PRKN: variants seen among roughly 807,000 people sequenced by gnomAD.
PRKN encodes the protein E3 ubiquitin-protein ligase parkin.
Under a neutral mutation model 59.5 loss-of-function variants are expected in PRKN, and 56 were observed. The observed-to-expected ratio is 0.94, with a 90% confidence interval of 0.76 to 1.18. The LOEUF is 1.18. PRKN is among the 50% of genes most tolerant of loss of function. PRKN has a pLI of 0.00. For missense variants in PRKN, 657 were observed against 596.4 expected, an observed-to-expected ratio of 1.10 and a Z score of -1.06; for synonymous variants, 250 against 222.1, an observed-to-expected ratio of 1.13 and a Z score of -1.12.
chr6:161,615,755 C>T (rs1234356746), intron 7 of PRKN, among the ~76,000 whole-genome samples: 1 of 152,240 alleles, frequency 6.6e-6, no homozygotes, highest in Non-Finnish European at 1.5e-5. Context: ...TCCCTCTCCT[C>T]CTGCATGCAA....
At chr6:161,680,726 CATATATATAT>C (rs56954052) in intron 7 of PRKN, among the ~76,000 whole-genome samples, 42 of 51,012 alleles carry the variant, frequency 8.2e-4, no homozygotes, top group African/African-American at 1.8e-3. Flanking sequence ...TCCTGAAATA[CATATATATAT>C]ATATATATAT....
intron 2 of PRKN, among the ~76,000 whole-genome samples, chr6:162,320,404 ACAAGC>A (rs1449463450): frequency 3.6e-5 from 5 of 137,244 alleles, no homozygotes; most frequent in African/African-American, 5.8e-5. Flanking sequence ...TTAAGATCAA[ACAAGC>A]AAAAAAAACC....
chr6:162,075,964 C>CTTTTTT (rs201642343), intron 4 of PRKN, among the ~76,000 whole-genome samples: 4 of 132,964 alleles, frequency 3.0e-5, no homozygotes, highest in Admixed American at 7.5e-5. Context: ...GAAAGGCTTG[C>CTTTTTT]TTTTTTTTTT....
At chr6:161,896,600 A>G (rs1777636343) in intron 6 of PRKN, among the ~76,000 whole-genome samples, 1 of 152,172 alleles carries the variant, frequency 6.6e-6, no homozygotes, top group Non-Finnish European at 1.5e-5. Context: ...TAGATAAGGA[A>G]AACACGGCAT....
intron 1 of PRKN, among the ~76,000 whole-genome samples, chr6:162,680,331 A>G (rs1247890193): frequency 3.3e-5 from 5 of 151,086 alleles, no homozygotes; most frequent in African/African-American, 4.8e-5. Flanking sequence ...ATATATTTAT[A>G]TGTACTGTAT....
At position 162,560,484 on chromosome 6, in the gene PRKN, C is replaced by T. The variant is rs1409005027; in HGVS notation, c.8-117011G>A. Among the ~76,000 whole-genome samples, 3 of 152,014 alleles carry T rather than the reference C, an allele frequency of 2.0e-5. No homozygotes were observed. The East Asian group carries it at 5.8e-4, about 29-fold the overall frequency. On this transcript the variant is annotated intron_variant, in intron 1 of 11. Coordinates refer to ENST00000366898, the MANE Select transcript of PRKN (RefSeq NM_004562.3). ...GGCCAAATGCATCTTCTAAGTGTTG[C>T]CTGGATCAATGTCTTATATTTTACA...
intron 8 of PRKN, among the ~76,000 whole-genome samples, chr6:161,568,084 A>C (rs561941234): frequency 9.7e-4 from 147 of 152,282 alleles, no homozygotes; most frequent in African/African-American, 3.5e-3. Flanking sequence ...TAATTCTCTA[A>C]CTCCAGGATG....
In PRKN at chr6:161,874,976, T is replaced by TA. The variant is rs1562356616; in HGVS notation, c.735-89069_735-89068insT. On this transcript the variant is annotated intron_variant, in intron 6 of 11. Transcript: ENST00000366898. ...TACTTTATATATAATATATAATTTA[T>TA]TATATTATATACTTTATATATAATA... Among the ~76,000 whole-genome samples the TA allele has an allele frequency of 1.5e-4, 16 of 103,684 alleles. 3 individuals are homozygous for TA. The highest frequency in any genetic ancestry group is 6.8e-4 in the African/African-American group (15 of 22,058). The allele number at this position is 103,684 out of a possible 152,430, so 68.0% of individuals were successfully genotyped here.
chr6:162,352,262 A>G (rs1397206198), intron 2 of PRKN, among the ~76,000 whole-genome samples: 1 of 152,124 alleles, frequency 6.6e-6, no homozygotes, highest in African/African-American at 2.4e-5. Flanking sequence ...ACTACTTTTT[A>G]TCACTGTGCT....
At chr6:162,404,383 G>A (rs1182891540) in intron 2 of PRKN, among the ~76,000 whole-genome samples, 17 of 136,988 alleles carry the variant, frequency 1.2e-4, no homozygotes, top group East Asian at 4.5e-4. Flanking sequence ...AAAAAAAAAA[G>A]AAAGAAAGAA....
At chr6:161,988,305 G>C (rs1314243727) in intron 5 of PRKN, among the ~76,000 whole-genome samples, 1 of 152,058 alleles carries the variant, frequency 6.6e-6, no homozygotes, top group East Asian at 1.9e-4. Context: ...TGGCCAACGT[G>C]GTGAAAACCC....
At chr6:162,613,931 G>A (rs1782294578) in intron 1 of PRKN, among the ~76,000 whole-genome samples, 1 of 152,112 alleles carries the variant, frequency 6.6e-6, no homozygotes, top group Non-Finnish European at 1.5e-5. Flanking sequence ...AACAGGTACT[G>A]TTGCAATCAC....
intron 1 of PRKN, among the ~76,000 whole-genome samples, chr6:162,577,537 G>T (rs1013772216): frequency 7.2e-5 from 11 of 151,884 alleles, no homozygotes; most frequent in African/African-American, 2.7e-4. Flanking sequence ...GAGGCGGGGG[G>T]TGCAGTAAGC....
At chr6:162,432,383 G>A (rs1211794009) in intron 2 of PRKN, among the ~76,000 whole-genome samples, 3 of 151,968 alleles carry the variant, frequency 2.0e-5, no homozygotes, top group African/African-American at 4.8e-5. Context: ...AAAATTAGCT[G>A]GGTGTGTTGG....
rs532942540 is a variant in PRKN, at chr6:161,393,892, G to A, written c.1084-7015C>T. Among the ~76,000 whole-genome samples, 8 of 152,204 alleles carry A rather than the reference G, an allele frequency of 5.3e-5. No homozygotes were observed. The highest frequency in any genetic ancestry group is 1.2e-4 in the Non-Finnish European group (8 of 68,030). The stretch of plus-strand genomic sequence containing the variant: ...TAGGAGAGAATCAAATACCATCTTA[G>A]GACCCCTTACTAGAGTCAAGGCAAA... On this transcript the variant is annotated intron_variant, in intron 9 of 11. Transcript: ENST00000366898. The surrounding 1 kb of genome is among the most constrained non-coding windows in gnomAD (Gnocchi z 4.7).
chr6:162,319,145 TAAG>T (rs1782876588), intron 2 of PRKN, among the ~76,000 whole-genome samples: 1 of 151,966 alleles, frequency 6.6e-6, no homozygotes, highest in African/African-American at 2.4e-5. Context: ...AATTACGAAA[TAAG>T]AAACAAACAT....
chr6:161,686,908 AGTT>A (rs1785579752), intron 7 of PRKN, among the ~76,000 whole-genome samples: 1 of 152,182 alleles, frequency 6.6e-6, no homozygotes, highest in Non-Finnish European at 1.5e-5. Context: ...TTGGAGCTGG[AGTT>A]GTTTGTTACT....
rs946842613 is a variant in PRKN, at chr6:161,393,836, T to C, written c.1084-6959A>G. Among the ~76,000 whole-genome samples the C allele has an allele frequency of 6.6e-6, 1 of 152,194 alleles. No homozygotes were observed. Among genetic ancestry groups the C allele is most frequent in the African/African-American group, 2.4e-5 (1 of 41,448 alleles). ...TTCTATTATGTGCATTTATTTTTCT[T>C]CCACGGCTCTGAAATTCTGTGTTAA... On this transcript the variant is annotated intron_variant, in intron 9 of 11. Coordinates refer to ENST00000366898, the MANE Select transcript of PRKN (RefSeq NM_004562.3). This position sits in a 1 kb window ranked among gnomAD's most constrained non-coding sequence, Gnocchi z 4.7.
chr6:161,943,944 C>G (rs538300382), intron 6 of PRKN, among the ~76,000 whole-genome samples: 124 of 53,418 alleles, frequency 2.3e-3, no homozygotes, highest in Non-Finnish European at 3.5e-3. Context: ...GAGGAAGCAG[C>G]CTGAGGGATC....
Sources: allele counts gnomAD v4.1 joint callset (sites outside exome capture counted in the v4.1 genomes callset), GRCh38; gene constraint gnomAD v4.1.1; non-coding constraint Gnocchi (gnomAD v3.1); transcripts MANE v1.5; gene names NCBI Gene and HGNC (gene_info 2026-07-23, HGNC 2026-07-21).